Variants in STPG1 observed in about 807,000 individuals in gnomAD.
STPG1 encodes sperm tail PG-rich repeat containing 1, also known as O(6)-methylguanine-induced apoptosis 2.
A neutral mutation model predicts 40.1 loss-of-function variants in STPG1; 33 were observed. That is an observed-to-expected ratio of 0.82 (90% CI 0.62 to 1.10). The LOEUF (loss-of-function observed/expected upper bound fraction) is 1.10. Ranked by LOEUF, STPG1 falls within the 50% of genes least tolerant of loss-of-function variation. The pLI is 0.00. For missense variants in STPG1, 396 were observed against 415.1 expected, an observed-to-expected ratio of 0.95 and a Z score of 0.40; for synonymous variants, 150 against 155.0, an observed-to-expected ratio of 0.97 and a Z score of 0.24.
At chr1:24,412,446 T>C (rs1370468542) in intron 1 of STPG1, among the ~76,000 whole-genome samples, 1 of 152,236 alleles carries the variant, frequency 6.6e-6, no homozygotes, top group Non-Finnish European at 1.5e-5. Context: ...TGCTTTATCT[T>C]TTTCAAAGCA....
chr1:24,361,232 G>A (rs1486881198), intron 7 of STPG1, among the ~76,000 whole-genome samples, 191 bp from the exon 8 acceptor site: 1 of 152,166 alleles, frequency 6.6e-6, no homozygotes, highest in African/African-American at 2.4e-5. Flanking sequence ...TCTGCACATG[G>A]CAATCATGAT....
In STPG1 at chr1:24,397,570, T is replaced by C. The variant is rs535906424; in HGVS notation, c.70+3749A>G. Among the ~76,000 whole-genome samples the C allele has an allele frequency of 4.4e-4, 67 of 152,156 alleles. 2 individuals carry two copies. In the South Asian group the frequency reaches 0.013, roughly 31 times the overall value. The stretch of plus-strand genomic sequence containing the variant: ...TCAAACCAGACAATATATAAAAAGA[T>C]AATACATCGTGACCAACCCCAGTAA... On this transcript the variant is annotated intron_variant, in intron 2 of 8. Transcript: ENST00000337248.
At chr1:24,362,125 G>A (rs1641161509) in intron 7 of STPG1, among the ~76,000 whole-genome samples, 1 of 152,178 alleles carries the variant, frequency 6.6e-6, no homozygotes, top group South Asian at 2.1e-4. Context: ...AATGACCAAG[G>A]GAGCCAGCCC....
At chr1:24,370,866 C>T (rs1641707821) in intron 6 of STPG1, among the ~76,000 whole-genome samples, 1 of 151,994 alleles carries the variant, frequency 6.6e-6, no homozygotes. Context: ...AGCAATCCCC[C>T]CACCTCAGCC....
chr1:24,413,821 G>A (rs1643881180), upstream of STPG1: 1 of 152,248 alleles, frequency 6.6e-6, no homozygotes, highest in Non-Finnish European at 1.5e-5. Context: ...GTGAAAAGTT[G>A]TTGACCAATC....
intron 3 of STPG1, among the ~76,000 whole-genome samples, chr1:24,386,865 G>A (rs1642526564): frequency 6.6e-6 from 1 of 152,182 alleles, no homozygotes; most frequent in African/African-American, 2.4e-5. Flanking sequence ...TGGGGAGGGA[G>A]AAGGGAAGAG....
intron 1 of STPG1, among the ~76,000 whole-genome samples, chr1:24,409,356 T>C (rs1343334330): frequency 6.6e-6 from 1 of 152,088 alleles, no homozygotes; most frequent in Non-Finnish European, 1.5e-5. Context: ...TGAGACCCTG[T>C]CTCAAAAAAT....
chr1:24,408,875 T>G (rs1406976956), intron 1 of STPG1, among the ~76,000 whole-genome samples: 1 of 152,250 alleles, frequency 6.6e-6, no homozygotes, highest in Non-Finnish European at 1.5e-5. Context: ...GTATTTTTCC[T>G]TACTTTATTC....
At chr1:24,413,096 T>A (rs1159051161) in intron 1 of STPG1, among the ~76,000 whole-genome samples, 3 of 152,204 alleles carry the variant, frequency 2.0e-5, no homozygotes, top group Non-Finnish European at 4.4e-5. Flanking sequence ...GGAAGCAGCT[T>A]ACATTTTTTC....
rs72880652 is a variant in STPG1 at position 24,381,890 on chromosome 1, C to T, written c.291+2012G>A. ...ATATGAAATTCTCATCCAGTTCACA[C>T]GGGAATGAGGTAAAACGCAGAGATC... On this transcript the variant is annotated intron_variant, in intron 4 of 8. Transcript: ENST00000337248. Among the ~76,000 whole-genome samples, 431 of 152,286 alleles carry T rather than the reference C, an allele frequency of 2.8e-3. 1 individual carries two copies. The highest frequency in any genetic ancestry group is 9.8e-3 in the African/African-American group (406 of 41,554).
intron 6 of STPG1, 65 bp downstream of exon 6, chr1:24,373,637 G>A: frequency 9.4e-7 from 1 of 1,069,374 alleles, no homozygotes; most frequent in Non-Finnish European, 1.4e-6. Flanking sequence ...AGAAGTAGGT[G>A]CCCTGCAAAT....
chr1:24,396,299 C>CTATCTATCTATCT (rs58386447), intron 2 of STPG1, among the ~76,000 whole-genome samples: 2 of 144,356 alleles, frequency 1.4e-5, no homozygotes, highest in African/African-American at 5.7e-5. Flanking sequence ...ATCTATCTAT[C>CTATCTATCTATCT]ATCTATCTAT....
Position 24,389,220 on chromosome 1 carries a change from A to G in STPG1, c.189+2341T>C, listed in dbSNP as rs112970324. On this transcript the variant is annotated intron_variant, in intron 3 of 8. Transcript: ENST00000337248. ...CATCTTTTAAAACACTAACTTGACA[A>G]GTGAGCCGGCTTGCTTTCTGAATTT... 6.6e-3 allele frequency among the ~76,000 whole-genome samples: 1,009 copies of G among 152,242 alleles called. 9 individuals carry two copies. The highest frequency in any genetic ancestry group is 0.02 in the African/African-American group (850 of 41,548).
At chr1:24,412,205 G>T (rs1000517476) in intron 1 of STPG1, among the ~76,000 whole-genome samples, 1 of 152,214 alleles carries the variant, frequency 6.6e-6, no homozygotes. Flanking sequence ...GAAGGCAGTT[G>T]TCGTGCCCCA....
At chr1:24,364,264 G>A (rs1359092192) in intron 7 of STPG1, 1 of 1,549,004 alleles carries the variant, frequency 6.5e-7, no homozygotes, top group Non-Finnish European at 8.7e-7. Context: ...TGTGACTCAA[G>A]TGAGGAACAT....
At chr1:24,379,948 A>AG (rs3835230) in intron 4 of STPG1, 125 bp from the exon 5 acceptor site, 316,383 of 916,162 alleles carry the variant, frequency 0.35, 58,042 homozygotes, top group African/African-American at 0.49. Flanking sequence ...AAACTCTGGC[A>AG]GTAACAATGA....
intron 6 of STPG1, among the ~76,000 whole-genome samples, chr1:24,371,753 A>G (rs1026612205): frequency 2.6e-5 from 4 of 152,240 alleles, no homozygotes. Flanking sequence ...AATACAGAAA[A>G]CAATGAAAAG....
intron 3 of STPG1, among the ~76,000 whole-genome samples, chr1:24,386,930 C>T (rs1219844167): frequency 6.6e-6 from 1 of 152,206 alleles, no homozygotes; most frequent in East Asian, 1.9e-4. Flanking sequence ...CCTTTGCTGC[C>T]TCTAAGTGTG....
rs199840433 is a variant in STPG1, at chr1:24,379,764, T to C, written c.351A>G (p.Pro117=). The change falls in exon 5 of 9, where the codon CCA becomes CCG. Residue 117 remains proline (P), a synonymous_variant. Coordinates refer to ENST00000337248, the MANE Select transcript of STPG1 (RefSeq NM_001199013.2). ...AGTCTCTCTTGGAAATAAAATCCGA[T>C]GGGATAGTGTATGCATTCGCTGCAG... is the stretch of plus-strand genomic sequence containing the variant. ...KYPAANAYTI[P]SDFISKRDFS... 18 of 1,614,096 alleles carry C rather than the reference T, an allele frequency of 1.1e-5. No individual in the cohort carries two copies. In the Admixed American group the frequency reaches 1.5e-4, roughly 13 times the overall value.
Sources: allele counts gnomAD v4.1 joint callset (sites outside exome capture counted in the v4.1 genomes callset), GRCh38; gene constraint gnomAD v4.1.1; transcripts MANE v1.5; gene names NCBI Gene and HGNC (gene_info 2026-07-23, HGNC 2026-07-21).